The following YBX1 variants were observed in gnomAD, a reference collection of about 807,000 sequenced individuals.
YBX1 encodes Y-box binding protein 1.
A neutral mutation model predicts 41.4 loss-of-function variants in YBX1; 3 were observed. The observed-to-expected ratio is 0.07, with a 90% CI of 0.03 to 0.19. The LOEUF (loss-of-function observed/expected upper bound fraction) is 0.19, where lower values mean the gene tolerates loss of function less well. YBX1 is among the 10% of genes least tolerant of loss of function. The pLI is 1.00. For missense variants in YBX1, 274 were observed against 462.8 expected (o/e 0.59, Z 3.74); for synonymous variants, 133 against 165.8 (o/e 0.80, Z 1.52).
chr1:42,703,565 G>T lies in YBX1; in HGVS notation c.*1616G>T, dbSNP rs532637168. 6.6e-6 allele frequency among the ~76,000 whole-genome samples: 1 copy of T among 152,150 alleles called. No individual in the cohort carries two copies. Among genetic ancestry groups the T allele is most frequent in the Non-Finnish European group, 1.5e-5 (1 of 68,036 alleles). On this transcript the variant is annotated 3_prime_UTR_variant, in exon 8 of 8. Coordinates refer to ENST00000321358, the MANE Select transcript of YBX1 (RefSeq NM_004559.5). ...TTGCTGGTGTTCATGAAAATACTGT[G>T]TTGGCAAGAGTGCAGTGGACCTGAA...
rs536949054 is a variant in YBX1 at position 42,688,701 on chromosome 1, A to G, written c.231-4789A>G. Reference sequence around the variant, plus strand: ...TCAATAGCACCATGGGACCCATGCAAAGTGGCGCTAGTGATGCTGAGAAAA... The same window carrying G: ...TCAATAGCACCATGGGACCCATGCAGAGTGGCGCTAGTGATGCTGAGAAAA... On this transcript the variant is annotated intron_variant, in intron 2 of 7. Coordinates refer to ENST00000321358, the MANE Select transcript of YBX1 (RefSeq NM_004559.5). Among the ~76,000 whole-genome samples, 7 of 152,296 alleles carry G rather than the reference A, an allele frequency of 4.6e-5. No individual in the cohort carries two copies. In the East Asian group the frequency reaches 1.2e-3, roughly 25 times the overall value.
intron 2 of YBX1, among the ~76,000 whole-genome samples, chr1:42,685,883 T>C (rs887172333): frequency 1.1e-4 from 16 of 152,256 alleles, no homozygotes; most frequent in African/African-American, 3.6e-4. Context: ...GGCTTCTCCC[T>C]GATGGTTATA....
At position 42,693,536 on chromosome 1, in the gene YBX1, G is replaced by A. The variant is rs762230811; in HGVS notation, c.264+13G>A. On this transcript the variant is annotated intron_variant, in intron 3 of 7. Coordinates refer to ENST00000321358, the MANE Select transcript of YBX1 (RefSeq NM_004559.5). ...ATTTGTACACCAGGTGAGTGCTTGTGTAGATATTTGCACTTCTGATTCAAG... is the reference window on the plus strand; with the variant it reads ...ATTTGTACACCAGGTGAGTGCTTGTATAGATATTTGCACTTCTGATTCAAG... 1 of 1,613,216 alleles carries A rather than the reference G, an allele frequency of 6.2e-7. No homozygotes were observed. The highest frequency in any genetic ancestry group is 8.5e-7 in the Non-Finnish European group (1 of 1,179,364).
Position 42,696,404 on chromosome 1 carries a change from C to G in YBX1, c.354+116C>G. 9.1e-7 allele frequency: 1 copy of G among 1,096,592 alleles called. No homozygotes were observed. The highest frequency in any genetic ancestry group is 2.5e-5 in the East Asian group (1 of 40,294). The allele number at this position is 1,096,592 out of a possible 1,614,324, so 67.9% of individuals were successfully genotyped here. On this transcript the variant is annotated intron_variant, in intron 4 of 7. Transcript: ENST00000321358. The surrounding 1 kb of genome is among the most constrained non-coding windows in gnomAD (Gnocchi z 5.7). Reference sequence around the variant, plus strand: ...ATGTGTTCAGGTGACCTCATGAACACAGGTGCATCAAGCCTAATGTTCTGG... The same window carrying G: ...ATGTGTTCAGGTGACCTCATGAACAGAGGTGCATCAAGCCTAATGTTCTGG...
intron 7 of YBX1, 42 bp downstream of exon 7, chr1:42,701,088 G>A: frequency 6.8e-7 from 1 of 1,466,464 alleles, no homozygotes; most frequent in Non-Finnish European, 9.4e-7. Context: ...GCAGTCGTGA[G>A]TGGTGACCAT....
intron 2 of YBX1, among the ~76,000 whole-genome samples, chr1:42,691,470 A>G (rs769100476): frequency 3.6e-4 from 54 of 152,046 alleles, no homozygotes; most frequent in Non-Finnish European, 5.9e-4. Context: ...AGGCCCGGCT[A>G]ATTTTTTATT....
Position 42,696,222 on chromosome 1 carries a change from C to G in YBX1, c.288C>G (p.Pro96=). 6.2e-7 allele frequency: 1 copy of G among 1,611,698 alleles called. No homozygotes were observed. The highest frequency in any genetic ancestry group is 1.1e-5 in the South Asian group (1 of 90,750). ...AGACTGCCATAAAGAAGAATAACCC[C>G]AGGAAGTACCTTCGCAGTGTAGGAG... ...VHQTAIKKNN[P]RKYLRSVGDG... Residue 96 remains proline (P), a synonymous_variant, in exon 4 of 8, where the codon CCC becomes CCG. Coordinates refer to ENST00000321358, the MANE Select transcript of YBX1 (RefSeq NM_004559.5). The surrounding 1 kb of genome is among the most constrained non-coding windows in gnomAD (Gnocchi z 5.7).
At chr1:42,683,161 C>G (rs910921837) in intron 1 of YBX1, 1 of 653,130 alleles carries the variant, frequency 1.5e-6, no homozygotes, top group Admixed American at 2.2e-5. Context: ...CGTCCGCGGC[C>G]TGCGCACACA....
At chr1:42,690,718 T>A (rs1650309516) in intron 2 of YBX1, among the ~76,000 whole-genome samples, 1 of 152,234 alleles carries the variant, frequency 6.6e-6, no homozygotes, top group African/African-American at 2.4e-5. Flanking sequence ...AGTCATAGTT[T>A]CTCTTTCTCC....
chr1:42,698,035 C>T (rs901079552), intron 6 of YBX1, among the ~76,000 whole-genome samples: 1 of 152,162 alleles, frequency 6.6e-6, no homozygotes, highest in African/African-American at 2.4e-5. Flanking sequence ...ACAGTAATAA[C>T]GCATCTTAAC....
chr1:42,700,778 C>T lies in YBX1; in HGVS notation c.741-3C>T. The T allele has an allele frequency of 6.2e-7, 1 of 1,608,684 alleles. No individual in the cohort carries two copies. Among genetic ancestry groups the T allele is most frequent in the Non-Finnish European group, 8.5e-7 (1 of 1,178,170 alleles). ...TTCTTAAGTTTGACACCGTTCATTG[C>T]AGGGGCCCTCCTCGCCAAAGACAGC... On this transcript the variant is annotated splice_region_variant and splice_polypyrimidine_tract_variant and intron_variant, in intron 6 of 7. Coordinates refer to ENST00000321358, the MANE Select transcript of YBX1 (RefSeq NM_004559.5).
intron 1 of YBX1, chr1:42,683,198 C>G: frequency 2.9e-6 from 2 of 687,166 alleles, no homozygotes; most frequent in Admixed American, 2.2e-5. Context: ...CGCCCCGGGC[C>G]TGCCCTGGAG....
In YBX1 at chr1:42,696,522, C is replaced by CCGGTG; in HGVS notation, c.355-120_355-119insCGGTG. On this transcript the variant is annotated intron_variant, in intron 4 of 7. Transcript: ENST00000321358. This position sits in a 1 kb window ranked among gnomAD's most constrained non-coding sequence, Gnocchi z 5.7. ...GGTCACGCAGTTGCGCCCCCCCCCC[C>CCGGTG]TTTTTTTTCCTTAACTTTGTTGTTT... The CCGGTG allele has an allele frequency of 3.1e-6, 2 of 637,568 alleles. No homozygotes were observed. The highest frequency in any genetic ancestry group is 4.8e-6 in the Non-Finnish European group (2 of 420,684). The allele number at this position is 637,568 out of a possible 1,614,324, so 39.5% of individuals were successfully genotyped here.
chr1:42,689,774 A>G (rs1245917060), intron 2 of YBX1, among the ~76,000 whole-genome samples: 1 of 151,960 alleles, frequency 6.6e-6, no homozygotes, highest in Non-Finnish European at 1.5e-5. Flanking sequence ...GGGAAGTTAA[A>G]TTTTTTTGCC....
chr1:42,688,493 TGTA>T (rs1650252649), intron 2 of YBX1, among the ~76,000 whole-genome samples: 1 of 152,214 alleles, frequency 6.6e-6, no homozygotes, highest in African/African-American at 2.4e-5. Flanking sequence ...CGACATTCAC[TGTA>T]GTAATATTGT....
At chr1:42,690,013 A>G (rs115414431) in intron 2 of YBX1, among the ~76,000 whole-genome samples, 248 of 152,266 alleles carry the variant, frequency 1.6e-3, no homozygotes, top group African/African-American at 5.7e-3. Flanking sequence ...AAAAAAGCCA[A>G]TGAGGCAGCT....
intron 2 of YBX1, among the ~76,000 whole-genome samples, chr1:42,688,135 A>G (rs933913385): frequency 6.6e-6 from 1 of 152,194 alleles, no homozygotes; most frequent in African/African-American, 2.4e-5. Flanking sequence ...GTCCTCCCAA[A>G]GTACAATCCT....
chr1:42,695,793 A>G (rs1163231387), intron 3 of YBX1, among the ~76,000 whole-genome samples: 3 of 152,248 alleles, frequency 2.0e-5, no homozygotes, highest in Non-Finnish European at 4.4e-5. Flanking sequence ...TGAAGCATGC[A>G]AAACCAAACT....
Position 42,696,160 on chromosome 1 carries a change from C to A in YBX1, c.265-39C>A. 6.6e-7 allele frequency: 1 copy of A among 1,522,212 alleles called. No individual in the cohort carries two copies. The highest frequency in any genetic ancestry group is 9.0e-7 in the Non-Finnish European group (1 of 1,113,454). The allele number at this position is 1,522,212 out of a possible 1,614,324, so 94.3% of individuals were successfully genotyped here. A position where few individuals can be genotyped will look rare whatever the true frequency, so the allele number is the denominator to read the frequency against. On this transcript the variant is annotated intron_variant, in intron 3 of 7. Coordinates refer to ENST00000321358, the MANE Select transcript of YBX1 (RefSeq NM_004559.5). This position sits in a 1 kb window ranked among gnomAD's most constrained non-coding sequence, Gnocchi z 5.7. ...ATTTTAAATGAAAAAGCACATTATT[C>A]TCCCCTGTTAATCTATTTTTGGAAT...
Sources: gnomAD v4.1 joint callset for allele counts (sites outside exome capture counted in the v4.1 genomes callset) on GRCh38, gnomAD v4.1.1 for gene constraint, Gnocchi (gnomAD v3.1) non-coding constraint, MANE v1.5 for transcripts, NCBI Gene and HGNC (gene_info 2026-07-23, HGNC 2026-07-21) for gene names.